The following PPM1L variants were observed in gnomAD, a reference collection of about 807,000 sequenced individuals.
PPM1L encodes the protein protein phosphatase 1L.
PPM1L carries 13 observed loss-of-function variants against 31.4 expected under a neutral mutation model. That is an observed-to-expected ratio of 0.41 (90% CI 0.27 to 0.66). PPM1L has a LOEUF of 0.66. Among genes scored for constraint, PPM1L ranks in the 30% least tolerant of loss-of-function variants. The probability of loss-of-function intolerance (pLI) is 0.29; values close to 1 mark genes in which losing one functional copy is unlikely to be tolerated. For synonymous variants in PPM1L, 184 were observed against 175.4 expected, an observed-to-expected ratio of 1.05 and a Z score of -0.39; for missense variants, 326 against 453.7, an observed-to-expected ratio of 0.72 and a Z score of 2.56.
At chr3:160,876,583 A>G (rs1712520307) in intron 1 of PPM1L, among the ~76,000 whole-genome samples, 4 of 152,236 alleles carry the variant, frequency 2.6e-5, no homozygotes, top group Admixed American at 2.6e-4. Flanking sequence ...GTTACTGCAG[A>G]CACTGTGCTA....
chr3:160,833,970 C>T (rs1157286590), intron 1 of PPM1L, among the ~76,000 whole-genome samples: 1 of 150,700 alleles, frequency 6.6e-6, no homozygotes, highest in Non-Finnish European at 1.5e-5. Context: ...AGGAAGGGGT[C>T]CAGTGTCCAG....
At chr3:161,046,914 A>C (rs1719098981) in intron 2 of PPM1L, among the ~76,000 whole-genome samples, 1 of 152,208 alleles carries the variant, frequency 6.6e-6, no homozygotes. Context: ...AACTCTCAAT[A>C]AATTCGGTAT....
chr3:161,072,613 GC>G lies in PPM1L; in HGVS notation c.*3457del, dbSNP rs1719963863. The G allele has an allele frequency of 1.3e-5, 2 of 152,130 alleles. No homozygotes were observed. Among genetic ancestry groups the G allele is most frequent in the South Asian group, 4.1e-4 (2 of 4,834 alleles). The allele number at this position is 152,130 out of a possible 1,614,324, so 9.4% of individuals were successfully genotyped here. A position where few individuals can be genotyped will look rare whatever the true frequency, so the allele number is the denominator to read the frequency against. On this transcript the variant is annotated 3_prime_UTR_variant, in exon 4 of 4. Coordinates refer to ENST00000498165, the MANE Select transcript of PPM1L (RefSeq NM_139245.4). ...GAAATTGAGTCCACTGTTTTCCTTT[GC>G]GTTTAATTTCCTTTGTGTTTAATTT...
chr3:161,060,124 A>G (rs892943909), intron 2 of PPM1L, among the ~76,000 whole-genome samples: 1 of 152,206 alleles, frequency 6.6e-6, no homozygotes, highest in Non-Finnish European at 1.5e-5. Context: ...TAAGCAAGAT[A>G]TCTACATAAT....
intron 2 of PPM1L, among the ~76,000 whole-genome samples, chr3:161,047,059 T>C (rs1719103834): frequency 6.6e-6 from 1 of 152,168 alleles, no homozygotes; most frequent in African/African-American, 2.4e-5. Context: ...TCACCACGCC[T>C]ATTCAACATA....
chr3:161,047,691 A>G (rs1719129341), intron 2 of PPM1L, among the ~76,000 whole-genome samples: 2 of 152,248 alleles, frequency 1.3e-5, no homozygotes, highest in Admixed American at 1.3e-4. Flanking sequence ...AAACTATACT[A>G]CAAGGCTATA....
chr3:160,770,119 G>A (rs537771194), intron 1 of PPM1L, among the ~76,000 whole-genome samples: 1 of 152,178 alleles, frequency 6.6e-6, no homozygotes, highest in South Asian at 2.1e-4. Context: ...AGCTTTAGTA[G>A]CATTTCTGGT....
chr3:160,983,730 G>T (rs150557135), intron 2 of PPM1L, among the ~76,000 whole-genome samples: 86 of 152,256 alleles, frequency 5.6e-4, no homozygotes, highest in Non-Finnish European at 1.0e-3. Context: ...TTCTTCGTGG[G>T]TTCTTTTCTA....
intron 1 of PPM1L, among the ~76,000 whole-genome samples, chr3:160,840,681 T>G (rs536023483): frequency 1.3e-5 from 2 of 151,192 alleles, no homozygotes; most frequent in Non-Finnish European, 2.9e-5. Flanking sequence ...GGAGTTCTTA[T>G]GTCCATGGGT....
At chr3:161,064,392 C>CT (rs1470228055) in intron 2 of PPM1L, among the ~76,000 whole-genome samples, 2 of 151,484 alleles carry the variant, frequency 1.3e-5, no homozygotes, top group African/African-American at 4.8e-5. Context: ...AAAAATCGGT[C>CT]TTTTTTGTTG....
At chr3:161,045,742 G>A (rs1345665094) in intron 2 of PPM1L, among the ~76,000 whole-genome samples, 2 of 152,150 alleles carry the variant, frequency 1.3e-5, no homozygotes, top group African/African-American at 2.4e-5. Context: ...ACATTCAAAA[G>A]CTAGCAGAAG....
At chr3:161,051,067 A>G (rs567655138) in intron 2 of PPM1L, among the ~76,000 whole-genome samples, 4 of 152,154 alleles carry the variant, frequency 2.6e-5, no homozygotes, top group Non-Finnish European at 5.9e-5. Context: ...TTGCATCTTT[A>G]AGAGAGAGTT....
Position 160,756,752 on chromosome 3 carries a change from CGTGTGTGTGTGTGTGTGTGTGTGTGTGT to C in PPM1L, c.399+56_399+83del, listed in dbSNP as rs113273287. On this transcript the variant is annotated intron_variant, in intron 1 of 3. Transcript: ENST00000498165. The surrounding 1 kb of genome is among the most constrained non-coding windows in gnomAD (Gnocchi z 6.2). ...TTTGTATTTGTGTCCGTGTATGTCT[CGTGTGTGTGTGTGTGTGTGTGTGTGTGT>C]GTGTGTGTGTATAAACAACAGGACA... The C allele has an allele frequency of 3.6e-5, 37 of 1,015,432 alleles. No homozygotes were observed. The highest frequency in any genetic ancestry group is 5.1e-5 in the Non-Finnish European group (36 of 700,082). 62.9% of individuals were successfully genotyped at this position (1,015,432 alleles called of 1,614,324 possible).
intron 2 of PPM1L, among the ~76,000 whole-genome samples, chr3:161,025,191 A>T (rs1041769783): frequency 2.0e-5 from 3 of 152,182 alleles, no homozygotes; most frequent in Non-Finnish European, 4.4e-5. Flanking sequence ...CCTGTGTGAC[A>T]GTATCAAGAG....
intron 1 of PPM1L, among the ~76,000 whole-genome samples, chr3:160,815,591 T>C (rs1451370198): frequency 1.3e-5 from 2 of 152,158 alleles, no homozygotes; most frequent in African/African-American, 2.4e-5. Flanking sequence ...TGATTAGCAT[T>C]TCAAGGAAGG....
chr3:160,771,543 C>A, intron 1 of PPM1L, among the ~76,000 whole-genome samples: 1 of 77,386 alleles, frequency 1.3e-5, no homozygotes, highest in Non-Finnish European at 2.4e-5. Context: ...AAGGCTGGCT[C>A]TTTTTTTTTT....
At chr3:160,879,351 A>G (rs1712625485) in intron 1 of PPM1L, among the ~76,000 whole-genome samples, 1 of 152,170 alleles carries the variant, frequency 6.6e-6, no homozygotes, top group African/African-American at 2.4e-5. Flanking sequence ...TCCTCTGTAA[A>G]TAGGATTAAG....
intron 1 of PPM1L, among the ~76,000 whole-genome samples, chr3:160,858,948 G>A (rs1168100250): frequency 6.6e-6 from 1 of 152,172 alleles, no homozygotes; most frequent in Non-Finnish European, 1.5e-5. Context: ...ATCCAGGAGT[G>A]AGCATGTGAC....
chr3:160,896,509 A>G (rs566115306), intron 1 of PPM1L, among the ~76,000 whole-genome samples: 5 of 152,282 alleles, frequency 3.3e-5, no homozygotes, highest in Admixed American at 1.3e-4. Context: ...ACTCACGGCA[A>G]ACCAACTTTA....
Sources: allele counts gnomAD v4.1 joint callset (sites outside exome capture counted in the v4.1 genomes callset), GRCh38; gene constraint gnomAD v4.1.1; non-coding constraint Gnocchi (gnomAD v3.1); transcripts MANE v1.5; gene names NCBI Gene and HGNC (gene_info 2026-07-23, HGNC 2026-07-21).